CASZ1: variants seen among roughly 807,000 people sequenced by gnomAD.
CASZ1 encodes zinc finger protein castor homolog 1.
CASZ1 carries 28 observed loss-of-function variants against 135.2 expected under a neutral mutation model. The ratio of observed to expected loss-of-function variants is 0.21; its 90% confidence interval spans 0.15 to 0.28. The LOEUF (loss-of-function observed/expected upper bound fraction) is 0.28, where lower values mean the gene tolerates loss of function less well. Ranked by LOEUF, CASZ1 falls within the 10% of genes least tolerant of loss-of-function variation. The probability of loss-of-function intolerance (pLI) is 1.00; values close to 1 mark genes in which losing one functional copy is unlikely to be tolerated. For missense variants in CASZ1, 2,161 were observed against 2,453.3 expected (o/e 0.88, Z 2.52); for synonymous variants, 1,068 against 1,073.4 (o/e 0.99, Z 0.10).
rs1175373896 is a variant in CASZ1, at chr1:10,741,301, G to A, written c.-77+19400C>T. 1.3e-5 allele frequency among the ~76,000 whole-genome samples: 2 copies of A among 152,142 alleles called. No homozygotes were observed. The highest frequency in any genetic ancestry group is 2.9e-5 in the Non-Finnish European group (2 of 68,034). On this transcript the variant is annotated intron_variant, in intron 2 of 20. Transcript: ENST00000377022. The surrounding 1 kb of genome is among the most constrained non-coding windows in gnomAD (Gnocchi z 5.0). ...CCTGGCTCTATATTGGGCTTTAAAC[G>A]ACATGAGGGCAGGGACTTGTTCAAA... is the stretch of plus-strand genomic sequence containing the variant.
intron 2 of CASZ1, among the ~76,000 whole-genome samples, chr1:10,729,838 T>C (rs1307432933): frequency 6.6e-6 from 1 of 152,102 alleles, no homozygotes; most frequent in Non-Finnish European, 1.5e-5. Flanking sequence ...ATTTTTGACA[T>C]GGAGTCTCGC....
At position 10,659,794 on chromosome 1, in the gene CASZ1, A is replaced by AGGCTCT. The variant is rs1199002856; in HGVS notation, c.1242_1247dup (p.Glu415_Pro416dup). The AGGCTCT allele has an allele frequency of 8.1e-6, 13 of 1,612,636 alleles. No individual in the cohort carries two copies. The highest frequency in any genetic ancestry group is 1.7e-5 in the Admixed American group (1 of 59,946). The stretch of plus-strand genomic sequence containing the variant: ...GAGTGTTGAAGGACAGGGAGGCAGG[A>AGGCTCT]GGCTCTGGCCCTGGCCCGGGGGCGC... On this transcript the variant is annotated inframe_insertion, in exon 6 of 21. Transcript: ENST00000377022.
intron 4 of CASZ1, among the ~76,000 whole-genome samples, chr1:10,686,795 G>A (rs1199504518): frequency 6.6e-6 from 1 of 152,218 alleles, no homozygotes; most frequent in Non-Finnish European, 1.5e-5. Context: ...CTGGGGGTGG[G>A]GACGCTAGGC....
Position 10,671,918 on chromosome 1 carries a change from T to A in CASZ1, c.17-6347A>T, listed in dbSNP as rs949770888. 2.6e-5 allele frequency among the ~76,000 whole-genome samples: 4 copies of A among 152,206 alleles called. 1 individual carries two copies. In the South Asian group the frequency reaches 8.3e-4, roughly 31 times the overall value. On this transcript the variant is annotated intron_variant, in intron 4 of 20. Transcript: ENST00000377022. Reference sequence around the variant, plus strand: ...ACGGGAGCAGGTGTGGCTGGCTGGGTGTCCACACAGCCTGGACTGCCCTGG... The same window carrying A: ...ACGGGAGCAGGTGTGGCTGGCTGGGAGTCCACACAGCCTGGACTGCCCTGG...
intron 1 of CASZ1, among the ~76,000 whole-genome samples, chr1:10,796,298 G>T (rs1355464479): frequency 2.6e-5 from 4 of 152,084 alleles, no homozygotes; most frequent in Non-Finnish European, 5.9e-5. Context: ...CCCTGGCCAC[G>T]GCAGGCAACG....
chr1:10,649,666 C>T (rs922017896), intron 13 of CASZ1: 6 of 521,066 alleles, frequency 1.2e-5, no homozygotes, highest in African/African-American at 3.8e-5. Flanking sequence ...CAGGGCTCCT[C>T]CACATGAGCC....
chr1:10,642,893 G>T lies in CASZ1; in HGVS notation c.4128C>A (p.Ser1376=). 6.2e-7 allele frequency: 1 copy of T among 1,613,014 alleles called. No homozygotes were observed. Among genetic ancestry groups the T allele is most frequent in the Non-Finnish European group, 8.5e-7 (1 of 1,179,952 alleles). The change falls in exon 20 of 21, where the codon TCC becomes TCA. Residue 1376 remains serine, a synonymous_variant. Coordinates refer to ENST00000377022, the MANE Select transcript of CASZ1 (RefSeq NM_001079843.3). ...TGCTCTCGTTACCCACGGGGGTGCT[G>T]GAGCAGCTCCGGTCCATGGTGGATG... ...SESSTMDRSC[S]STPVGNESTA...
In CASZ1 at chr1:10,721,220, G is replaced by A. The variant is rs2100485216; in HGVS notation, c.-76-15676C>T. Reference sequence around the variant, plus strand: ...GGGTTAACTCCAGACAGAGGGGCTGGCTGGCTTTCCTTCACTCTACCTCAA... The same window carrying A: ...GGGTTAACTCCAGACAGAGGGGCTGACTGGCTTTCCTTCACTCTACCTCAA... On this transcript the variant is annotated intron_variant, in intron 2 of 20. Coordinates refer to ENST00000377022, the MANE Select transcript of CASZ1 (RefSeq NM_001079843.3). This position sits in a 1 kb window ranked among gnomAD's most constrained non-coding sequence, Gnocchi z 5.4. 6.6e-6 allele frequency among the ~76,000 whole-genome samples: 1 copy of A among 152,176 alleles called. No individual in the cohort carries two copies. Among genetic ancestry groups the A allele is most frequent in the South Asian group, 2.1e-4 (1 of 4,816 alleles).
At position 10,727,917 on chromosome 1, in the gene CASZ1, C is replaced by A. The variant is rs1639626354; in HGVS notation, c.-76-22373G>T. 6.6e-6 allele frequency among the ~76,000 whole-genome samples: 1 copy of A among 152,222 alleles called. No individual in the cohort carries two copies. Among genetic ancestry groups the A allele is most frequent in the Non-Finnish European group, 1.5e-5 (1 of 68,032 alleles). On this transcript the variant is annotated intron_variant, in intron 2 of 20. Coordinates refer to ENST00000377022, the MANE Select transcript of CASZ1 (RefSeq NM_001079843.3). This position sits in a 1 kb window ranked among gnomAD's most constrained non-coding sequence, Gnocchi z 5.3. ...AGGCTTGCCATGCCCCGGCACCATG[C>A]CAACACGTGGAAGGTTGAACTAACC...
intron 1 of CASZ1, among the ~76,000 whole-genome samples, chr1:10,785,042 G>GCTTT (rs1553143525): frequency 7.2e-6 from 1 of 138,128 alleles, no homozygotes; most frequent in Middle Eastern, 3.6e-3. Flanking sequence ...TTTCTTGCTT[G>GCTTT]CTTGCTTTCT....
chr1:10,772,988 G>A (rs1409745564), intron 1 of CASZ1, among the ~76,000 whole-genome samples: 1 of 152,072 alleles, frequency 6.6e-6, no homozygotes, highest in Non-Finnish European at 1.5e-5. Flanking sequence ...ACACCTGGTG[G>A]CAGAATCCTG....
chr1:10,640,260 C>T (rs766371464), intron 20 of CASZ1, among the ~76,000 whole-genome samples: 1 of 152,222 alleles, frequency 6.6e-6, no homozygotes, highest in Non-Finnish European at 1.5e-5. Flanking sequence ...GGCTTCCCCT[C>T]CTCATCCCTG....
At position 10,653,740 on chromosome 1, in the gene CASZ1, A is replaced by C; in HGVS notation, c.2317T>G (p.Ser773Ala). 1 of 1,608,998 alleles carries C rather than the reference A, an allele frequency of 6.2e-7. No individual in the cohort carries two copies. The highest frequency in any genetic ancestry group is 1.7e-4 in the Middle Eastern group (1 of 6,046). ...SATKPPNSKI[S>A]GLLPQGLPGS... ...GGCAGGCCCTGGGGCAGCAGCCCCG[A>C]GATCTTGCTGTTGGGAGGTTTGGTG... Residue 773 changes from serine (S) to alanine (A), a missense_variant, in exon 11 of 21, where the codon TCG (serine) becomes GCG (alanine). Ser to Ala is a moderately conservative substitution (Grantham distance 99). Around this residue, in one of 7 missense-constraint regions of CASZ1, gnomAD observed 406 missense variants for 387.6 expected, o/e 1.05. Transcript: ENST00000377022.
chr1:10,795,350 C>A (rs545486351), intron 1 of CASZ1, among the ~76,000 whole-genome samples: 1 of 152,352 alleles, frequency 6.6e-6, no homozygotes, highest in South Asian at 2.1e-4. Context: ...CTACTTTTTT[C>A]TCTGTCCTTC....
At chr1:10,715,887 A>T (rs1298306540) in intron 2 of CASZ1, among the ~76,000 whole-genome samples, 1 of 101,596 alleles carries the variant, frequency 9.8e-6, no homozygotes, top group Non-Finnish European at 1.9e-5. Context: ...CACCCAATCC[A>T]CACCCCAGAG....
rs79180527 is a variant in CASZ1 at position 10,745,687 on chromosome 1, C to T, written c.-77+15014G>A. 8.3e-3 allele frequency among the ~76,000 whole-genome samples: 1,268 copies of T among 152,234 alleles called. 13 individuals are homozygous for T. Among genetic ancestry groups the T allele is most frequent in the Non-Finnish European group, 0.013 (893 of 68,000 alleles). On this transcript the variant is annotated intron_variant, in intron 2 of 20. Coordinates refer to ENST00000377022, the MANE Select transcript of CASZ1 (RefSeq NM_001079843.3). ...TGGGTGTGGATTTTGGAAGATCAGA[C>T]GACCTGGGTTTGAATCCCAATGCTC...
rs1162525676 is a variant in CASZ1, at chr1:10,761,341, C to G, written c.-233-484G>C. ...CAGCTCCCAGCTGCTCCCCTGACCC[C>G]TGGGTGGCCTTCTGGGAGCCTCTAT... On this transcript the variant is annotated intron_variant, in intron 1 of 20. Coordinates refer to ENST00000377022, the MANE Select transcript of CASZ1 (RefSeq NM_001079843.3). Among the ~76,000 whole-genome samples the G allele has an allele frequency of 2.0e-5, 3 of 152,246 alleles. No individual in the cohort carries two copies. The East Asian group carries it at 5.8e-4, about 29-fold the overall frequency.
intron 1 of CASZ1, among the ~76,000 whole-genome samples, chr1:10,772,570 G>A (rs1260942157): frequency 6.6e-6 from 1 of 152,134 alleles, no homozygotes; most frequent in Non-Finnish European, 1.5e-5. Context: ...ATGAAGAATG[G>A]ATACCACTGG....
intron 2 of CASZ1, among the ~76,000 whole-genome samples, chr1:10,745,240 G>C (rs904136852): frequency 6.6e-6 from 1 of 152,058 alleles, no homozygotes; most frequent in African/African-American, 2.4e-5. Flanking sequence ...TGAAGTCTCG[G>C]GTGGCCTTAA....
Sources: gnomAD v4.1 joint callset for allele counts (sites outside exome capture counted in the v4.1 genomes callset) on GRCh38, gnomAD v4.1.1 for gene constraint, gnomAD v4.1.1 regional missense constraint, Gnocchi (gnomAD v3.1) non-coding constraint, MANE v1.5 for transcripts, NCBI Gene and HGNC (gene_info 2026-07-23, HGNC 2026-07-21) for gene names.